MTERF4: variants seen among roughly 807,000 people sequenced by gnomAD.
MTERF4 encodes the protein transcription termination factor 4, mitochondrial.
MTERF4 carries 17 observed loss-of-function variants against 22.5 expected under a neutral mutation model. That is an observed-to-expected ratio of 0.75 (90% CI 0.52 to 1.13). The LOEUF (loss-of-function observed/expected upper bound fraction) is 1.13. Among genes scored for constraint, MTERF4 ranks in the 50% most tolerant of loss-of-function variants. MTERF4 has a pLI of 0.00. For missense variants in MTERF4, 420 were observed against 466.8 expected, an observed-to-expected ratio of 0.90 and a Z score of 0.92; for synonymous variants, 165 against 175.3, an observed-to-expected ratio of 0.94 and a Z score of 0.47.
chr2:241,049,672 A>G, the MTERF4 span: 2 of 626,932 alleles, frequency 3.2e-6, no homozygotes, highest in East Asian at 2.7e-5. Flanking sequence ...TGAGGAATCA[A>G]GATGCCCACA....
At position 241,079,068 on chromosome 2, in the gene MTERF4, C is replaced by T. The variant is rs181612994; in HGVS notation, n.480-3386G>A. On this transcript the variant is annotated intron_variant and non_coding_transcript_variant, in intron 4 of 4. Coordinates refer to the MTERF4 transcript ENST00000464344. ...GGCGGAGGCTGCAGCGAGCCGAGAT[C>T]GCACCATTGCACTCCAGCCTGGGTG... Among the ~76,000 whole-genome samples, 1,348 of 143,956 alleles carry T rather than the reference C, an allele frequency of 9.4e-3. 17 individuals are homozygous for T. The highest frequency in any genetic ancestry group is 0.032 in the African/African-American group (1,239 of 38,168). The allele number at this position is 143,956 out of a possible 152,430, so 94.4% of individuals were successfully genotyped here.
chr2:241,052,875 G>A, the MTERF4 span, among the ~76,000 whole-genome samples: 1 of 151,866 alleles, frequency 6.6e-6, no homozygotes, highest in Non-Finnish European at 1.5e-5. Context: ...CAGGGTACAT[G>A]GGATACCAGT....
intron 4 of MTERF4, among the ~76,000 whole-genome samples, chr2:241,078,956 A>T (rs1299525329): frequency 6.6e-6 from 1 of 151,614 alleles, no homozygotes; most frequent in Admixed American, 6.6e-5. Flanking sequence ...TCTACTAAAA[A>T]TACAAAAATT....
At chr2:241,091,403 G>A (rs2063977536), downstream of MTERF4, among the ~76,000 whole-genome samples, 1 of 114,256 alleles carries the variant, frequency 8.8e-6, no homozygotes, top group South Asian at 2.4e-4. The surrounding 1 kb of genome is among the most constrained non-coding windows in gnomAD (Gnocchi z 4.1). Context: ...TGTAGTCGGT[G>A]GAGGCTGCCC....
the MTERF4 span, among the ~76,000 whole-genome samples, chr2:241,052,699 G>A: frequency 1.5e-5 from 1 of 68,560 alleles, no homozygotes; most frequent in African/African-American, 7.3e-5. Flanking sequence ...GCGGGGGGGG[G>A]GGGGGTCAAG....
chr2:241,056,028 G>C, the MTERF4 span, among the ~76,000 whole-genome samples: 4 of 148,698 alleles, frequency 2.7e-5, no homozygotes, highest in Non-Finnish European at 5.9e-5. Context: ...GTTCTTATAC[G>C]CACTATGTCT....
chr2:241,079,081 T>C (rs2063194591), intron 4 of MTERF4, among the ~76,000 whole-genome samples: 1 of 124,562 alleles, frequency 8.0e-6, no homozygotes, highest in African/African-American at 3.2e-5. Flanking sequence ...ACCATTGCAC[T>C]CCAGCCTGGG....
At chr2:241,068,071 G>T, downstream of MTERF4, 1 of 928,580 alleles carries the variant, frequency 1.1e-6, no homozygotes, top group Non-Finnish European at 1.6e-6. This position sits in a 1 kb window ranked among gnomAD's most constrained non-coding sequence, Gnocchi z 5.3. Flanking sequence ...CTCCTCACCT[G>T]AGCGGAGACA....
the MTERF4 span, among the ~76,000 whole-genome samples, chr2:241,066,980 G>A: frequency 6.6e-6 from 1 of 152,252 alleles, no homozygotes; most frequent in Non-Finnish European, 1.5e-5. Context: ...GCATGTGCGG[G>A]TGGCACTGAG....
chr2:241,063,960 TC>T, the MTERF4 span: 1 of 1,291,126 alleles, frequency 7.7e-7, no homozygotes, highest in Non-Finnish European at 1.1e-6. Flanking sequence ...CTCTCCTCCC[TC>T]CCCCAGACTC....
chr2:241,067,215 G>A (rs960843034), downstream of MTERF4, among the ~76,000 whole-genome samples: 1 of 152,230 alleles, frequency 6.6e-6, no homozygotes, highest in Non-Finnish European at 1.5e-5. Flanking sequence ...CGGGAGCTGA[G>A]CGCTGCCCTC....
At chr2:241,064,533 C>T in the MTERF4 span, among the ~76,000 whole-genome samples, 1 of 152,198 alleles carries the variant, frequency 6.6e-6, no homozygotes, top group Non-Finnish European at 1.5e-5. This position sits in a 1 kb window ranked among gnomAD's most constrained non-coding sequence, Gnocchi z 7.0. Flanking sequence ...ATGAGGCTTC[C>T]CTGACCACTG....
the MTERF4 span, chr2:241,062,652 C>A: frequency 7.1e-6 from 5 of 705,658 alleles, no homozygotes; most frequent in African/African-American, 7.0e-5. Flanking sequence ...CCAAGGATAT[C>A]CAGCCCTGGT....
Position 241,073,424 on chromosome 2 carries a change from AGGCT to A in MTERF4, n.2734_2737del. ...GACTGACTGCTCTCAGGGGCCTTAG[AGGCT>A]GCAGGCAGGAGGGACCACCCACGGT... On this transcript the variant is annotated non_coding_transcript_exon_variant, in exon 5 of 5. Transcript: ENST00000464344. This position sits in a 1 kb window ranked among gnomAD's most constrained non-coding sequence, Gnocchi z 6.6. The A allele has an allele frequency of 7.1e-7, 1 of 1,405,490 alleles. No individual in the cohort carries two copies. Among genetic ancestry groups the A allele is most frequent in the Non-Finnish European group, 9.9e-7 (1 of 1,014,444 alleles). The allele number at this position is 1,405,490 out of a possible 1,614,324, so 87.1% of individuals were successfully genotyped here.
chr2:241,071,998 A>C, downstream of MTERF4: 1 of 886,426 alleles, frequency 1.1e-6, no homozygotes, highest in Non-Finnish European at 1.8e-6. Flanking sequence ...GTCTCCAGCC[A>C]GTGACCCCCA....
downstream of MTERF4, chr2:241,069,041 GC>G: frequency 5.9e-6 from 9 of 1,516,882 alleles, no homozygotes; most frequent in African/African-American, 1.4e-5. This position sits in a 1 kb window ranked among gnomAD's most constrained non-coding sequence, Gnocchi z 4.9. Flanking sequence ...GAGCAGCGCG[GC>G]CCCCGGCACA....
At chr2:241,050,258 C>T in the MTERF4 span, among the ~76,000 whole-genome samples, 1 of 152,208 alleles carries the variant, frequency 6.6e-6, no homozygotes, top group Non-Finnish European at 1.5e-5. Flanking sequence ...GGATTTTGCT[C>T]AATCTAATTC....
At chr2:241,081,868 C>A in intron 4 of MTERF4, 1 of 1,162,358 alleles carries the variant, frequency 8.6e-7, no homozygotes, top group Non-Finnish European at 1.3e-6. Context: ...TGGGCCACAG[C>A]TGGGTTTGCC....
At chr2:241,045,785 TTAAAA>T in the MTERF4 span, among the ~76,000 whole-genome samples, 1 of 151,826 alleles carries the variant, frequency 6.6e-6, no homozygotes, top group African/African-American at 2.4e-5. Context: ...GCATGATTCA[TTAAAA>T]AGAAAAAGAT....
Sources: gnomAD v4.1 joint callset for allele counts (sites outside exome capture counted in the v4.1 genomes callset) on GRCh38, gnomAD v4.1.1 for gene constraint, Gnocchi (gnomAD v3.1) non-coding constraint, MANE v1.5 for transcripts, NCBI Gene and HGNC (gene_info 2026-07-23, HGNC 2026-07-21) for gene names.